The following GNAL variants were observed in gnomAD, a reference collection of about 807,000 sequenced individuals.
GNAL encodes the protein guanine nucleotide-binding protein G(olf) subunit alpha.
In GNAL, 18 loss-of-function variants were observed where a neutral mutation model predicts 55.1. The observed-to-expected ratio is 0.33, with a 90% confidence interval of 0.23 to 0.48. The LOEUF (loss-of-function observed/expected upper bound fraction) is 0.48, where lower values mean the gene tolerates loss of function less well. GNAL is among the 20% of genes least tolerant of loss of function. GNAL has a pLI of 0.99. For missense variants in GNAL, 412 were observed against 614.1 expected (o/e 0.67, Z 3.48); for synonymous variants, 253 against 237.0 (o/e 1.07, Z -0.62).
intron 1 of GNAL, among the ~76,000 whole-genome samples, chr18:11,743,721 C>T (rs1036532276): frequency 7.2e-5 from 11 of 152,220 alleles, no homozygotes; most frequent in African/African-American, 2.7e-4. Context: ...GTCCAAAATG[C>T]TGCTAGGCTA....
At chr18:11,705,863 C>A (rs529576899) in intron 1 of GNAL, among the ~76,000 whole-genome samples, 204 of 150,432 alleles carry the variant, frequency 1.4e-3, no homozygotes, top group African/African-American at 4.6e-3. Context: ...CCAGGCGATT[C>A]CCCTGCCTTA....
At chr18:11,705,907 C>A (rs773058273) in intron 1 of GNAL, among the ~76,000 whole-genome samples, 2 of 151,998 alleles carry the variant, frequency 1.3e-5, no homozygotes, top group Non-Finnish European at 2.9e-5. Context: ...AGGCTCCTGC[C>A]AGCATGCCTG....
At chr18:11,813,346 T>C (rs1251943757) in intron 4 of GNAL, among the ~76,000 whole-genome samples, 1 of 152,158 alleles carries the variant, frequency 6.6e-6, no homozygotes, top group Non-Finnish European at 1.5e-5. Context: ...AGGTGGCAGT[T>C]CTTCTCAAGT....
chr18:11,799,003 C>T (rs2034455497), intron 4 of GNAL, among the ~76,000 whole-genome samples: 1 of 151,678 alleles, frequency 6.6e-6, no homozygotes, highest in African/African-American at 2.4e-5. Flanking sequence ...ATCCCAGCAA[C>T]TTGGGAAGCT....
At chr18:11,808,827 A>T (rs1444467948) in intron 4 of GNAL, among the ~76,000 whole-genome samples, 3 of 152,252 alleles carry the variant, frequency 2.0e-5, no homozygotes, top group African/African-American at 4.8e-5. Flanking sequence ...AATAACAAGG[A>T]CTGAAGTGCT....
intron 1 of GNAL, among the ~76,000 whole-genome samples, chr18:11,697,173 C>T (rs2031438102): frequency 6.6e-6 from 1 of 152,270 alleles, no homozygotes; most frequent in Non-Finnish European, 1.5e-5. Context: ...CAAGCCCAGG[C>T]AGGCTGGCTT....
At chr18:11,713,853 A>G (rs935665128) in intron 1 of GNAL, among the ~76,000 whole-genome samples, 1 of 152,160 alleles carries the variant, frequency 6.6e-6, no homozygotes, top group Non-Finnish European at 1.5e-5. Context: ...GAAAATCTGC[A>G]AGGTGAGACC....
chr18:11,745,301 A>C (rs1427688475), intron 1 of GNAL, among the ~76,000 whole-genome samples: 1 of 152,134 alleles, frequency 6.6e-6, no homozygotes, highest in Non-Finnish European at 1.5e-5. Flanking sequence ...GAGGCTCCTT[A>C]TAATGGGAAA....
At chr18:11,861,056 C>T (rs2036121525) in intron 5 of GNAL, among the ~76,000 whole-genome samples, 1 of 152,204 alleles carries the variant, frequency 6.6e-6, no homozygotes, top group Admixed American at 6.5e-5. Context: ...GATTGGGAGG[C>T]AACATCGCCT....
intron 1 of GNAL, among the ~76,000 whole-genome samples, chr18:11,730,516 C>T (rs1032197950): frequency 6.6e-6 from 1 of 151,850 alleles, no homozygotes; most frequent in African/African-American, 2.4e-5. Flanking sequence ...GTAATCCCAG[C>T]ACTTTGGGAG....
chr18:11,831,927 A>G (rs1038773664), intron 5 of GNAL, among the ~76,000 whole-genome samples: 1 of 152,234 alleles, frequency 6.6e-6, no homozygotes, highest in Non-Finnish European at 1.5e-5. Context: ...AATAATTATT[A>G]TCACTGAGCC....
intron 5 of GNAL, among the ~76,000 whole-genome samples, chr18:11,836,568 A>G (rs2035502877): frequency 6.6e-6 from 1 of 152,242 alleles, no homozygotes; most frequent in Non-Finnish European, 1.5e-5. Context: ...GGCACATTTT[A>G]TGCACATTAG....
chr18:11,752,945 TTC>T lies in GNAL; in HGVS notation c.449+21_449+22del. 1.4e-6 allele frequency: 2 copies of T among 1,430,300 alleles called. No homozygotes were observed. Among genetic ancestry groups the T allele is most frequent in the Non-Finnish European group, 2.0e-6 (2 of 1,014,848 alleles). The allele number at this position is 1,430,300 out of a possible 1,614,324, so 88.6% of individuals were successfully genotyped here. A position where few individuals can be genotyped will look rare whatever the true frequency, so the allele number is the denominator to read the frequency against. On this transcript the variant is annotated intron_variant, in intron 2 of 11. Coordinates refer to ENST00000334049, the MANE Select transcript of GNAL (RefSeq NM_182978.4). The surrounding 1 kb of genome is among the most constrained non-coding windows in gnomAD (Gnocchi z 4.5). ...TCCCGAGTAAGAATGTTCAGTTTGC[TTC>T]CAAACTGCATGCAAACTTCGTCTCT...
chr18:11,780,307 T>A (rs1469380417), intron 4 of GNAL, among the ~76,000 whole-genome samples: 1 of 152,168 alleles, frequency 6.6e-6, no homozygotes, highest in Non-Finnish European at 1.5e-5. Flanking sequence ...TTTATATATT[T>A]GATTCCTAAC....
Position 11,884,871 on chromosome 18 carries a change from A to G in GNAL, c.*3736A>G. The G allele has an allele frequency of 1.5e-6, 2 of 1,348,984 alleles. No homozygotes were observed. Among genetic ancestry groups the G allele is most frequent in the African/African-American group, 2.9e-5 (2 of 68,100 alleles). The allele number at this position is 1,348,984 out of a possible 1,614,324, so 83.6% of individuals were successfully genotyped here. A position where few individuals can be genotyped will look rare whatever the true frequency, so the allele number is the denominator to read the frequency against. ...TGTGCCTGAGTGGAAAATGTCTGGG[A>G]CACTGACCTGTCAAAACTGGCCCCT... On this transcript the variant is annotated 3_prime_UTR_variant, in exon 12 of 12. Transcript: ENST00000334049.
At chr18:11,823,960 C>A (rs777959399) in intron 4 of GNAL, among the ~76,000 whole-genome samples, 6 of 152,172 alleles carry the variant, frequency 3.9e-5, no homozygotes, top group Non-Finnish European at 8.8e-5. Context: ...TCTTTCAGAG[C>A]ATCTTGCTTG....
chr18:11,755,519 C>T (rs111397875), intron 4 of GNAL, among the ~76,000 whole-genome samples: 4,493 of 152,314 alleles, frequency 0.029, 82 homozygotes, highest in Middle Eastern at 0.044. Flanking sequence ...TCATGATCCA[C>T]CCGCCTCGGC....
At chr18:11,690,887 C>T (rs960510843) in intron 1 of GNAL, among the ~76,000 whole-genome samples, 3 of 151,142 alleles carry the variant, frequency 2.0e-5, no homozygotes, top group African/African-American at 7.4e-5. Flanking sequence ...GGTTCCAAGT[C>T]TTTGCTAATG....
At chr18:11,728,208 T>C (rs918670991) in intron 1 of GNAL, among the ~76,000 whole-genome samples, 6 of 151,916 alleles carry the variant, frequency 3.9e-5, no homozygotes, top group Admixed American at 2.6e-4. Context: ...AGTAAGACCC[T>C]ATGTCTTTAA....
Sources: gnomAD v4.1 joint callset for allele counts (sites outside exome capture counted in the v4.1 genomes callset) on GRCh38, gnomAD v4.1.1 for gene constraint, Gnocchi (gnomAD v3.1) non-coding constraint, MANE v1.5 for transcripts, NCBI Gene and HGNC (gene_info 2026-07-23, HGNC 2026-07-21) for gene names.